ELFN2: variants seen among roughly 807,000 people sequenced by gnomAD.
The protein encoded by ELFN2 is protein phosphatase 1 regulatory subunit 29.
A neutral mutation model predicts 45.5 loss-of-function variants in ELFN2; 17 were observed. The observed-to-expected ratio is 0.37, with a 90% CI of 0.26 to 0.56. The LOEUF (loss-of-function observed/expected upper bound fraction) is 0.56, where lower values mean the gene tolerates loss of function less well. ELFN2 is among the 20% of genes least tolerant of loss of function. The pLI, the probability that ELFN2 is intolerant of heterozygous loss-of-function variation, is 0.77. For synonymous variants in ELFN2, 550 were observed against 551.5 expected, an observed-to-expected ratio of 1.00 and a Z score of 0.04; for missense variants, 922 against 1,183.2, an observed-to-expected ratio of 0.78 and a Z score of 3.24.
intron 1 of ELFN2, among the ~76,000 whole-genome samples, chr22:37,425,747 C>A (rs2145696426): frequency 6.6e-6 from 1 of 152,302 alleles, no homozygotes; most frequent in East Asian, 1.9e-4. Flanking sequence ...AGGACAGCAC[C>A]TGCCTGTGCA....
chr22:37,416,701 T>G (rs941413448), intron 2 of ELFN2, among the ~76,000 whole-genome samples: 1 of 151,344 alleles, frequency 6.6e-6, no homozygotes, highest in Admixed American at 6.6e-5. Context: ...TGTGCCTCAC[T>G]CCCCAGCCCT....
intron 1 of ELFN2, among the ~76,000 whole-genome samples, chr22:37,419,352 T>A (rs1487823310): frequency 6.6e-6 from 1 of 150,926 alleles, no homozygotes; most frequent in Non-Finnish European, 1.5e-5. Context: ...CACACACACA[T>A]AGACCTGTCC....
intron 2 of ELFN2, among the ~76,000 whole-genome samples, chr22:37,387,694 G>A (rs189254030): frequency 5.3e-4 from 80 of 152,186 alleles, no homozygotes; most frequent in African/African-American, 1.8e-3. Flanking sequence ...CTCCCAGGCC[G>A]CGGCCCCTCG....
intron 2 of ELFN2, among the ~76,000 whole-genome samples, chr22:37,414,515 C>A (rs1302679076): frequency 6.6e-6 from 1 of 152,214 alleles, no homozygotes; most frequent in African/African-American, 2.4e-5. Flanking sequence ...CTAAGCCCCC[C>A]AAACCCCTTG....
rs904731957 is a variant in ELFN2 at position 37,405,884 on chromosome 22, CT to C, written c.-463+11884del. Among the ~76,000 whole-genome samples the C allele has an allele frequency of 2.4e-4, 37 of 151,804 alleles. 1 individual carries two copies. The highest frequency in any genetic ancestry group is 9.0e-4 in the African/African-American group (37 of 41,250). Reference sequence around the variant, plus strand: ...AGGCACAATGGCTCGCGCTTGTCATCTGAGCACCTTGGGAGGCCAAGGCAGG... The same window carrying C: ...AGGCACAATGGCTCGCGCTTGTCATCGAGCACCTTGGGAGGCCAAGGCAGG... On this transcript the variant is annotated intron_variant, in intron 2 of 2. Transcript: ENST00000402918.
At chr22:37,412,419 C>A (rs1569143366) in intron 2 of ELFN2, among the ~76,000 whole-genome samples, 1 of 152,148 alleles carries the variant, frequency 6.6e-6, no homozygotes, top group Admixed American at 6.5e-5. Context: ...GCACTCACTC[C>A]CCTTCCCAAA....
At chr22:37,378,562 C>T (rs974421709) in intron 2 of ELFN2, among the ~76,000 whole-genome samples, 7 of 152,234 alleles carry the variant, frequency 4.6e-5, no homozygotes, top group East Asian at 1.9e-4. Flanking sequence ...GACAGAGGCC[C>T]GCCGTGCCCC....
At chr22:37,341,892 A>C (rs1343416192) in intron 2 of ELFN2, among the ~76,000 whole-genome samples, 1 of 152,274 alleles carries the variant, frequency 6.6e-6, no homozygotes, top group East Asian at 1.9e-4. Context: ...AATTCTCCCC[A>C]CAGGCAGGTC....
At chr22:37,398,244 A>T (rs941973385) in intron 2 of ELFN2, among the ~76,000 whole-genome samples, 6 of 152,048 alleles carry the variant, frequency 3.9e-5, no homozygotes, top group African/African-American at 1.5e-4. Context: ...GGCCTCACTA[A>T]ACAACATTAT....
chr22:37,409,768 C>T (rs752777930), intron 2 of ELFN2, among the ~76,000 whole-genome samples: 3 of 152,188 alleles, frequency 2.0e-5, no homozygotes, highest in African/African-American at 7.2e-5. Flanking sequence ...ACCCAGGTCC[C>T]GCCGCACCCC....
intron 2 of ELFN2, among the ~76,000 whole-genome samples, chr22:37,377,186 C>T (rs539410552): frequency 6.6e-6 from 1 of 152,368 alleles, no homozygotes; most frequent in East Asian, 1.9e-4. Flanking sequence ...TCTGCATCAA[C>T]CCTCACTTTC....
rs143923312 is a variant in ELFN2 at position 37,388,970 on chromosome 22, A to G, written c.-462-12974T>C. 1.9e-3 allele frequency among the ~76,000 whole-genome samples: 283 copies of G among 152,310 alleles called. 2 individuals carry two copies. Among genetic ancestry groups the G allele is most frequent in the African/African-American group, 5.4e-3 (225 of 41,552 alleles). On this transcript the variant is annotated intron_variant, in intron 2 of 2. Transcript: ENST00000402918. Reference sequence around the variant, plus strand: ...CCCAGGATGGGAGAGGTCACAGAGAATAGGAACTCTTTCAGGGGGAGGTAG... The same window carrying G: ...CCCAGGATGGGAGAGGTCACAGAGAGTAGGAACTCTTTCAGGGGGAGGTAG...
chr22:37,375,641 C>T lies in ELFN2; in HGVS notation c.-107G>A, dbSNP rs1003791898. ...CCTGGGGCCGCCACCATCTTGGGGG[C>T]GACCCCCAGCACGGGGGCCCCAGGC... On this transcript the variant is annotated 5_prime_UTR_variant, in exon 3 of 3. Transcript: ENST00000402918. The T allele has an allele frequency of 3.0e-5, 41 of 1,359,992 alleles. No individual in the cohort carries two copies. Among genetic ancestry groups the T allele is most frequent in the Non-Finnish European group, 3.1e-5 (32 of 1,019,684 alleles). 84.2% of individuals were successfully genotyped at this position (1,359,992 alleles called of 1,614,324 possible). A position where few individuals can be genotyped will look rare whatever the true frequency, so the allele number is the denominator to read the frequency against.
intron 1 of ELFN2, among the ~76,000 whole-genome samples, chr22:37,425,011 C>G (rs1471009936): frequency 6.6e-6 from 1 of 152,074 alleles, no homozygotes; most frequent in Non-Finnish European, 1.5e-5. Context: ...CCCCATGTTA[C>G]AGAGGAGAGA....
chr22:37,376,276 A>T (rs1479295650), intron 2 of ELFN2, among the ~76,000 whole-genome samples: 1 of 152,028 alleles, frequency 6.6e-6, no homozygotes, highest in East Asian at 1.9e-4. Flanking sequence ...ACTGGAGAGA[A>T]CAGGTGAGCA....
Position 37,397,109 on chromosome 22 carries a change from G to T in ELFN2, c.-463+20660C>A, listed in dbSNP as rs114403905. On this transcript the variant is annotated intron_variant, in intron 2 of 2. Transcript: ENST00000402918. ...TACCAGCTTCAGCTCGGGCATCACC[G>T]CCTCCAGGAAGCCTTCCTTGAATCC... 4.3e-3 allele frequency among the ~76,000 whole-genome samples: 651 copies of T among 152,162 alleles called. 5 individuals are homozygous for T. Among genetic ancestry groups the T allele is most frequent in the African/African-American group, 0.012 (517 of 41,530 alleles).
intron 1 of ELFN2, among the ~76,000 whole-genome samples, chr22:37,355,651 C>G (rs1461152357): frequency 6.6e-6 from 1 of 152,228 alleles, no homozygotes; most frequent in Non-Finnish European, 1.5e-5. Flanking sequence ...ATCTTCTACA[C>G]TCAAGTATCA....
At chr22:37,388,046 C>T (rs905065372) in intron 2 of ELFN2, among the ~76,000 whole-genome samples, 2 of 151,860 alleles carry the variant, frequency 1.3e-5, no homozygotes, top group Admixed American at 6.6e-5. Context: ...CTTGGTGCCG[C>T]CGCCTCCCCC....
At chr22:37,422,812 C>G (rs1482712196) in intron 1 of ELFN2, among the ~76,000 whole-genome samples, 2 of 151,886 alleles carry the variant, frequency 1.3e-5, no homozygotes, top group Admixed American at 6.6e-5. Context: ...CCAGGCTGGT[C>G]TCGAACTCCT....
Sources: allele counts gnomAD v4.1 joint callset (sites outside exome capture counted in the v4.1 genomes callset), GRCh38; gene constraint gnomAD v4.1.1; transcripts MANE v1.5; gene names NCBI Gene and HGNC (gene_info 2026-07-23, HGNC 2026-07-21).